Variants in RFX1 observed in about 807,000 individuals in gnomAD.
The protein encoded by RFX1 is regulatory factor X1.
A neutral mutation model predicts 119.6 loss-of-function variants in RFX1; 42 were observed. The ratio of observed to expected loss-of-function variants is 0.35; its 90% CI spans 0.27 to 0.45. The LOEUF (loss-of-function observed/expected upper bound fraction) is 0.45. Ranked by LOEUF, RFX1 falls within the 20% of genes least tolerant of loss-of-function variation. The probability of loss-of-function intolerance (pLI) is 1.00; values close to 1 mark genes in which losing one functional copy is unlikely to be tolerated. For missense variants in RFX1, 1,118 were observed against 1,368.1 expected (o/e 0.82, Z 2.88); for synonymous variants, 628 against 618.5 (o/e 1.02, Z -0.23).
intron 1 of RFX1, among the ~76,000 whole-genome samples, chr19:14,005,611 G>A (rs1300845351): frequency 2.0e-5 from 3 of 152,182 alleles, no homozygotes; most frequent in Non-Finnish European, 4.4e-5. Flanking sequence ...TGAGTCCTGG[G>A]ACAACTGCAA....
At chr19:13,973,180 C>A in intron 8 of RFX1, 53 bp from the exon 9 acceptor site, 1 of 1,214,398 alleles carries the variant, frequency 8.2e-7, no homozygotes, top group Non-Finnish European at 1.1e-6. Flanking sequence ...ACTGGGGGGC[C>A]GAGGGGCATG....
intron 2 of RFX1, among the ~76,000 whole-genome samples, 181 bp from the exon 3 acceptor site, chr19:13,983,776 G>T (rs1175257063): frequency 2.0e-5 from 3 of 152,244 alleles, no homozygotes; most frequent in Admixed American, 1.3e-4. Context: ...ACGTGGCAGA[G>T]CGGGCTGAGG....
intron 1 of RFX1, among the ~76,000 whole-genome samples, chr19:13,995,899 G>A (rs10418456): frequency 0.024 from 3,611 of 148,602 alleles, 174 homozygotes; most frequent in African/African-American, 0.085. Flanking sequence ...GTGGTGGCGC[G>A]CACCTGTAAT....
intron 1 of RFX1, among the ~76,000 whole-genome samples, chr19:13,996,867 G>A (rs551303560): frequency 6.6e-6 from 1 of 152,100 alleles, no homozygotes; most frequent in Admixed American, 6.6e-5. Flanking sequence ...GCGACTACAG[G>A]AGCCTACTAC....
chr19:13,974,249 G>T (rs1394417394), intron 8 of RFX1, among the ~76,000 whole-genome samples: 1 of 152,182 alleles, frequency 6.6e-6, no homozygotes, highest in African/African-American at 2.4e-5. Context: ...GAAGGGACTA[G>T]AGAAGGCGAC....
rs1409995542 is a variant in RFX1, at chr19:13,963,970, C to T, written c.2249G>A (p.Arg750His). The T allele has an allele frequency of 6.5e-7, 1 of 1,540,392 alleles. No individual in the cohort carries two copies. Among genetic ancestry groups the T allele is most frequent in the Non-Finnish European group, 8.7e-7 (1 of 1,147,180 alleles). ...AAGAFAQTLR[R>H]YTSLNHLAQA... is the part of the protein sequence containing the mutation. ...CGCCAGGTGGTTGAGCGACGTGTAG[C>T]GCCGCAGTGTCTGCGCGAAGGCGCC... is the stretch of plus-strand genomic sequence containing the variant. Residue 750 changes from arginine to histidine, a missense_variant, in exon 17 of 21, where the codon CGC becomes CAC. By Grantham distance (29) the Arg-to-His change is conservative. Around this residue, in one of 5 missense-constraint regions of RFX1, gnomAD observed 338 missense variants for 508.9 expected, o/e 0.66. Coordinates refer to ENST00000254325, the MANE Select transcript of RFX1 (RefSeq NM_002918.5).
chr19:13,963,110 C>T lies in RFX1; in HGVS notation c.2724+12G>A, dbSNP rs777563498. ...CGCCCCGCCCGCGCCCCCAGTGGCC[C>T]GCCTCGCGCACCTCGCCCATGACGG... On this transcript the variant is annotated intron_variant, in intron 19 of 20. Coordinates refer to ENST00000254325, the MANE Select transcript of RFX1 (RefSeq NM_002918.5). 7 of 1,609,848 alleles carry T rather than the reference C, an allele frequency of 4.3e-6. No homozygotes were observed. The highest frequency in any genetic ancestry group is 2.2e-5 in the East Asian group (1 of 44,722).
Position 13,965,493 on chromosome 19 carries a change from T to C in RFX1, c.2167A>G (p.Thr723Ala), listed in dbSNP as rs1973864943. The C allele has an allele frequency of 1.2e-6, 2 of 1,613,656 alleles. No individual in the cohort carries two copies. The highest frequency in any genetic ancestry group is 2.2e-5 in the South Asian group (2 of 91,084). The change falls in exon 16 of 21, where the codon ACC becomes GCC. Residue 723 changes from threonine to alanine, a missense_variant. Transcript: ENST00000254325. The surrounding 1 kb of genome is among the most constrained non-coding windows in gnomAD (Gnocchi z 4.7). ...NFAKSLESWLTHAMVNIPEEM... is the reference protein window; with the variant it reads ...NFAKSLESWLAHAMVNIPEEM... Reference sequence around the variant, plus strand: ...TCGGGGATGTTGACCATGGCGTGGGTGAGCCAGCTCTCCAGGCTCTTGGCA... The same window carrying C: ...TCGGGGATGTTGACCATGGCGTGGGCGAGCCAGCTCTCCAGGCTCTTGGCA...
chr19:13,994,711 A>G (rs952444155), intron 1 of RFX1, among the ~76,000 whole-genome samples: 6 of 118,750 alleles, frequency 5.1e-5, no homozygotes, highest in Admixed American at 2.8e-4. Flanking sequence ...GACTCTGTCT[A>G]AATATATATG....
At chr19:13,971,267 G>A (rs192813421) in intron 9 of RFX1, among the ~76,000 whole-genome samples, 81 of 151,948 alleles carry the variant, frequency 5.3e-4, no homozygotes, top group Non-Finnish European at 1.1e-3. Flanking sequence ...CTGGGAGGTG[G>A]GAAGGTTACA....
chr19:13,982,146 G>A lies in RFX1; in HGVS notation c.596C>T (p.Thr199Ile). 2 of 1,311,996 alleles carry A rather than the reference G, an allele frequency of 1.5e-6. No homozygotes were observed. Among genetic ancestry groups the A allele is most frequent in the Non-Finnish European group, 2.0e-6 (2 of 1,021,512 alleles). The allele number at this position is 1,311,996 out of a possible 1,614,324, so 81.3% of individuals were successfully genotyped here. ...CTCTGGGGGCGAGTGCACCTGCTGG[G>A]TACCATGGACCGTCAGGGAGACCTG... ...GGQVSLTVHG[T>I]QQVHSPPEQS... Residue 199 changes from threonine (T) to isoleucine (I), a missense_variant, in exon 5 of 21, where the codon ACC becomes ATC. Physicochemically the swap from Thr to Ile is moderately conservative, Grantham distance 89. Coordinates refer to ENST00000254325, the MANE Select transcript of RFX1 (RefSeq NM_002918.5).
At position 13,969,766 on chromosome 19, in the gene RFX1, T is replaced by C. The variant is rs941159457; in HGVS notation, c.1496+228A>G. 3 of 459,276 alleles carry C rather than the reference T, an allele frequency of 6.5e-6. No individual in the cohort carries two copies. Among genetic ancestry groups the C allele is most frequent in the African/African-American group, 5.9e-5 (3 of 50,544 alleles). The allele number at this position is 459,276 out of a possible 1,614,324, so 28.5% of individuals were successfully genotyped here. On this transcript the variant is annotated intron_variant, in intron 10 of 20. Transcript: ENST00000254325. This position sits in a 1 kb window ranked among gnomAD's most constrained non-coding sequence, Gnocchi z 4.5. ...GAGAGGGGGAGGCTGCAGTTTTAGT[T>C]GAGGCAGTCAGGGGACGTGCAAGTA...
chr19:13,963,421 GC>G (rs1394913957), intron 18 of RFX1, 116 bp downstream of exon 18: 2 of 1,410,322 alleles, frequency 1.4e-6, no homozygotes, highest in Non-Finnish European at 1.9e-6. Flanking sequence ...TGAGCCCAGG[GC>G]CCCAGCCTGC....
intron 1 of RFX1, among the ~76,000 whole-genome samples, chr19:14,005,055 T>C (rs1288182291): frequency 6.6e-6 from 1 of 152,106 alleles, no homozygotes; most frequent in Non-Finnish European, 1.5e-5. Context: ...GTTTAAAAAA[T>C]CTAAGAAACT....
In RFX1 at chr19:13,985,868, TGTTGGGGGCGGGG is replaced by T. The variant is rs1410095292; in HGVS notation, c.320-2286_320-2274del. On this transcript the variant is annotated intron_variant, in intron 2 of 20. Coordinates refer to ENST00000254325, the MANE Select transcript of RFX1 (RefSeq NM_002918.5). This position sits in a 1 kb window ranked among gnomAD's most constrained non-coding sequence, Gnocchi z 4.3. ...GTCAAGGGCAGAGCGCAGGAGTGTG[TGTTGGGGGCGGGG>T]GTTGCCAGATGTGGGAGGTGTTGGG... is the stretch of plus-strand genomic sequence containing the variant. 2.0e-5 allele frequency among the ~76,000 whole-genome samples: 3 copies of T among 151,548 alleles called. No homozygotes were observed. Among genetic ancestry groups the T allele is most frequent in the African/African-American group, 7.3e-5 (3 of 41,240 alleles).
At chr19:13,982,283 GC>G in intron 4 of RFX1, 55 bp from the exon 5 acceptor site, 1 of 1,031,794 alleles carries the variant, frequency 9.7e-7, no homozygotes, top group Non-Finnish European at 1.3e-6. Context: ...CCGTGCAGTT[GC>G]ACCGAGCATC....
intron 8 of RFX1, among the ~76,000 whole-genome samples, chr19:13,973,805 T>C (rs538035884): frequency 1.3e-5 from 2 of 152,032 alleles, no homozygotes; most frequent in East Asian, 3.9e-4. Context: ...AATTTTTGTA[T>C]TTTTTTAGTA....
At position 13,990,516 on chromosome 19, in the gene RFX1, AC is replaced by A. The variant is rs1974764849; in HGVS notation, c.319+3008del. Reference sequence around the variant, plus strand: ...GGCAACATAGTGAGACTCTGTCTCTACAAAAAAATTAAAAGATTAGGCCGGG... The same window carrying A: ...GGCAACATAGTGAGACTCTGTCTCTAAAAAAAATTAAAAGATTAGGCCGGG... On this transcript the variant is annotated intron_variant, in intron 2 of 20. Transcript: ENST00000254325. The surrounding 1 kb of genome is among the most constrained non-coding windows in gnomAD (Gnocchi z 4.1). 6.6e-6 allele frequency among the ~76,000 whole-genome samples: 1 copy of A among 151,372 alleles called. No homozygotes were observed. Among genetic ancestry groups the A allele is most frequent in the African/African-American group, 2.4e-5 (1 of 41,166 alleles).
At chr19:13,972,119 T>C (rs1229274397) in intron 9 of RFX1, among the ~76,000 whole-genome samples, 1 of 146,944 alleles carries the variant, frequency 6.8e-6, no homozygotes, top group East Asian at 2.0e-4. Context: ...CAGTGAGCTA[T>C]GATTACAGCA....
Sources: allele counts gnomAD v4.1 joint callset (sites outside exome capture counted in the v4.1 genomes callset), GRCh38; gene constraint gnomAD v4.1.1; regional missense constraint gnomAD v4.1.1; non-coding constraint Gnocchi (gnomAD v3.1); transcripts MANE v1.5; gene names NCBI Gene and HGNC (gene_info 2026-07-23, HGNC 2026-07-21).